Variants in NRG1 observed in about 807,000 individuals in gnomAD.
NRG1 encodes the protein pro-neuregulin-1, membrane-bound isoform.
Under a neutral mutation model 63.8 loss-of-function variants are expected in NRG1, and 18 were observed. That is an observed-to-expected ratio of 0.28 (90% CI 0.19 to 0.42). The LOEUF (loss-of-function observed/expected upper bound fraction) is 0.42. NRG1 is among the 10% of genes least tolerant of loss of function. NRG1 has a pLI of 1.00. For synonymous variants in NRG1, 302 were observed against 301.3 expected (o/e 1.00, Z -0.02); for missense variants, 762 against 814.7 (o/e 0.94, Z 0.79).
At chr8:32,199,169 A>G (rs953231980) in intron 1 of NRG1, among the ~76,000 whole-genome samples, 2 of 152,054 alleles carry the variant, frequency 1.3e-5, no homozygotes, top group African/African-American at 4.8e-5. Context: ...ATGCCTATCC[A>G]TGGAGTTAAC....
At chr8:31,954,333 T>A (rs1028324776) in intron 1 of NRG1, among the ~76,000 whole-genome samples, 1 of 152,194 alleles carries the variant, frequency 6.6e-6, no homozygotes, top group African/African-American at 2.4e-5. Context: ...ACATGTAGGA[T>A]AATAAAGCTT....
intron 1 of NRG1, among the ~76,000 whole-genome samples, chr8:32,086,350 T>A: frequency 6.6e-6 from 1 of 152,356 alleles, no homozygotes. Context: ...AAGGTGTTTC[T>A]GAGAGTGTCT....
intron 1 of NRG1, among the ~76,000 whole-genome samples, chr8:31,747,111 C>T (rs1411389860): frequency 6.6e-6 from 1 of 151,818 alleles, no homozygotes; most frequent in Non-Finnish European, 1.5e-5. Flanking sequence ...GATAGCACAG[C>T]AGGGAGACTA....
chr8:32,727,287 A>G (rs925728641), intron 5 of NRG1, among the ~76,000 whole-genome samples: 1 of 152,214 alleles, frequency 6.6e-6, no homozygotes, highest in Non-Finnish European at 1.5e-5. Context: ...TTACAGTGAT[A>G]TTAGACTCTT....
intron 1 of NRG1, among the ~76,000 whole-genome samples, chr8:32,178,590 A>G (rs1000126469): frequency 6.6e-6 from 1 of 152,176 alleles, no homozygotes; most frequent in Non-Finnish European, 1.5e-5. Context: ...AGCCTAGGTG[A>G]TAGAGTGAGA....
intron 1 of NRG1, chr8:32,440,661 G>T (rs548327008): frequency 1.3e-5 from 2 of 152,052 alleles, no homozygotes; most frequent in Admixed American, 6.6e-5. Flanking sequence ...CTAAGGGTCC[G>T]CAGGGTAACA....
At chr8:32,128,564 T>C (rs568821682) in intron 1 of NRG1, among the ~76,000 whole-genome samples, 3 of 152,052 alleles carry the variant, frequency 2.0e-5, no homozygotes, top group African/African-American at 7.2e-5. Context: ...TCCTTGAGAA[T>C]TGAAACAATG....
chr8:31,838,627 G>A (rs1424496914), intron 1 of NRG1, among the ~76,000 whole-genome samples: 1 of 151,966 alleles, frequency 6.6e-6, no homozygotes, highest in African/African-American at 2.4e-5. Flanking sequence ...GTGTTTAATG[G>A]TTTTCCTCCA....
At chr8:32,372,825 T>C (rs1306092023) in intron 1 of NRG1, among the ~76,000 whole-genome samples, 4 of 152,104 alleles carry the variant, frequency 2.6e-5, no homozygotes, top group African/African-American at 9.7e-5. Flanking sequence ...TCATTTACAT[T>C]GTTTCTACTG....
chr8:32,677,172 A>G (rs1049357858), intron 5 of NRG1, among the ~76,000 whole-genome samples: 3 of 152,140 alleles, frequency 2.0e-5, no homozygotes, highest in Non-Finnish European at 4.4e-5. Context: ...TTTCCTCTTC[A>G]AACAGGTGAA....
intron 1 of NRG1, among the ~76,000 whole-genome samples, chr8:32,506,714 T>C (rs1044505537): frequency 8.0e-5 from 12 of 150,218 alleles, no homozygotes; most frequent in African/African-American, 2.0e-4. Flanking sequence ...TCTTGGGGGG[T>C]ATGTGGGGGG....
rs114467635 is a variant in NRG1, at chr8:32,520,117, G to A, written c.38-75711G>A. Among the ~76,000 whole-genome samples the A allele has an allele frequency of 8.1e-3, 1,240 of 152,184 alleles. 10 individuals carry two copies. The highest frequency in any genetic ancestry group is 0.028 in the African/African-American group (1,153 of 41,496). ...AAGCCTGGCTTCACCACTCAGTGCT[G>A]GTGTGAACTTGGAGAGCTTACTTAG... On this transcript the variant is annotated intron_variant, in intron 1 of 10. Transcript: ENST00000519301.
intron 1 of NRG1, among the ~76,000 whole-genome samples, chr8:31,940,232 A>G (rs1801551042): frequency 6.6e-6 from 1 of 152,128 alleles, no homozygotes. Context: ...AAAATTGCAA[A>G]TCAACTCCTA....
intron 1 of NRG1, among the ~76,000 whole-genome samples, chr8:32,082,886 G>T (rs532220477): frequency 6.6e-6 from 1 of 152,086 alleles, no homozygotes; most frequent in Non-Finnish European, 1.5e-5. Context: ...AGCTCAAGGT[G>T]CATGCTGATA....
intron 5 of NRG1, among the ~76,000 whole-genome samples, chr8:32,644,699 G>T (rs1001935255): frequency 8.5e-5 from 13 of 152,258 alleles, no homozygotes; most frequent in African/African-American, 3.1e-4. Flanking sequence ...CAGTCCATAG[G>T]ATTCTCTCTC....
chr8:32,363,277 T>C (rs1225876254), intron 1 of NRG1, among the ~76,000 whole-genome samples: 1 of 152,186 alleles, frequency 6.6e-6, no homozygotes, highest in East Asian at 1.9e-4. Context: ...GGAAGAACAA[T>C]AGATGCCTCA....
intron 1 of NRG1, among the ~76,000 whole-genome samples, chr8:32,069,498 G>T (rs1007654631): frequency 3.3e-5 from 5 of 152,170 alleles, no homozygotes; most frequent in African/African-American, 4.8e-5. Context: ...TCTAGCAATG[G>T]TTGATGAACT....
intron 1 of NRG1, chr8:31,639,804 T>C (rs1370478107): frequency 4.8e-6 from 6 of 1,242,894 alleles, no homozygotes. Flanking sequence ...CATCCACTTC[T>C]TCCCCCTCCT....
intron 1 of NRG1, among the ~76,000 whole-genome samples, chr8:32,397,844 A>G (rs1432313014): frequency 6.6e-6 from 1 of 152,164 alleles, no homozygotes; most frequent in African/African-American, 2.4e-5. Context: ...TCTTTGTCTT[A>G]GTCTTCCATA....
Sources: allele counts gnomAD v4.1 joint callset (sites outside exome capture counted in the v4.1 genomes callset), GRCh38; gene constraint gnomAD v4.1.1; transcripts MANE v1.5; gene names NCBI Gene and HGNC (gene_info 2026-07-23, HGNC 2026-07-21).